Variants in GLP2R observed in about 807,000 individuals in gnomAD.
The protein encoded by GLP2R is glucagon-like peptide 2 receptor.
In GLP2R, 59 loss-of-function variants were observed where a neutral mutation model predicts 68.2. The observed-to-expected ratio is 0.87, with a 90% CI of 0.70 to 1.07. GLP2R has a LOEUF of 1.07. Among genes scored for constraint, GLP2R ranks in the 50% least tolerant of loss-of-function variants. The pLI, the probability that GLP2R is intolerant of heterozygous loss-of-function variation, is 0.00. For synonymous variants in GLP2R, 270 were observed against 265.4 expected (o/e 1.02, Z -0.17); for missense variants, 548 against 677.4 (o/e 0.81, Z 2.12).
chr17:9,862,016 C>G lies in GLP2R; in HGVS notation c.987-5C>G, dbSNP rs1295976603. ...TCTACTGCCTGCTTCTACTGTTGAC[C>G]TTAGGTGCTGGACAACAAATGGGAA... is the stretch of plus-strand genomic sequence containing the variant. On this transcript the variant is annotated splice_polypyrimidine_tract_variant and splice_region_variant and intron_variant, in intron 8 of 12. Coordinates refer to ENST00000262441, the MANE Select transcript of GLP2R (RefSeq NM_004246.3). 1.9e-6 allele frequency: 3 copies of G among 1,608,820 alleles called. No homozygotes were observed.
chr17:9,832,449 C>T (rs2066689331), intron 1 of GLP2R, among the ~76,000 whole-genome samples: 1 of 152,134 alleles, frequency 6.6e-6, no homozygotes. Flanking sequence ...TGTAATTTCA[C>T]CTACTCAGGA....
rs1777429149 is a variant in GLP2R, at chr17:9,889,483, G to A, written c.1440G>A (p.Lys480=). 1 of 1,614,092 alleles carries A rather than the reference G, an allele frequency of 6.2e-7. No individual in the cohort carries two copies. The highest frequency in any genetic ancestry group is 1.3e-5 in the African/African-American group (1 of 74,954). Residue 480 remains lysine, a synonymous_variant, in exon 13 of 13, where the codon AAG becomes AAA. Coordinates refer to ENST00000262441, the MANE Select transcript of GLP2R (RefSeq NM_004246.3). Reference sequence around the variant, plus strand: ...GGTTCCTAGGAAAATGTCCCAAGAAGCTCTCGGAAGGAGATGGCGCTGAGA... The same window carrying A: ...GGTTCCTAGGAAAATGTCCCAAGAAACTCTCGGAAGGAGATGGCGCTGAGA... The part of the protein sequence containing the change: ...DFRFLGKCPK[K]LSEGDGAEKL...
chr17:9,843,918 GTCTTGTGA>G (rs59930946), intron 4 of GLP2R, among the ~76,000 whole-genome samples: 122,156 of 151,398 alleles, frequency 0.81, 49,741 homozygotes, highest in African/African-American at 0.92. Flanking sequence ...GGAGCTCAGA[GTCTTGTGA>G]TCTTGTGAGG....
Position 9,870,791 on chromosome 17 carries a change from T to C in GLP2R, c.1101T>C (p.Ser367=), listed in dbSNP as rs2067085351. ...TGAAAATTCTCAAGCTTCTCATTTC[T>C]AAGCTCAAAGCTCATCAAATGTGCT... The part of the protein sequence containing the change: ...IFLKILKLLI[S]KLKAHQMCFR... Residue 367 remains serine, a synonymous_variant, in exon 10 of 13, where the codon TCT becomes TCC. Coordinates refer to ENST00000262441, the MANE Select transcript of GLP2R (RefSeq NM_004246.3). The C allele has an allele frequency of 2.5e-6, 4 of 1,589,312 alleles. No individual in the cohort carries two copies. Among genetic ancestry groups the C allele is most frequent in the Non-Finnish European group, 3.5e-6 (4 of 1,157,192 alleles).
intron 5 of GLP2R, 65 bp from the exon 6 acceptor site, chr17:9,857,358 G>T (rs1288883625): frequency 2.8e-6 from 4 of 1,445,658 alleles, no homozygotes; most frequent in African/African-American, 2.8e-5. Context: ...GGCATAAAAG[G>T]CAGAGGCCTG....
At position 9,870,797 on chromosome 17, in the gene GLP2R, C is replaced by G; in HGVS notation, c.1107C>G (p.Leu369=). The G allele has an allele frequency of 6.3e-7, 1 of 1,579,072 alleles. No homozygotes were observed. Among genetic ancestry groups the G allele is most frequent in the Admixed American group, 1.7e-5 (1 of 59,954 alleles). Residue 369 remains leucine (L), a synonymous_variant, in exon 10 of 13, where the codon CTC becomes CTG. Coordinates refer to ENST00000262441, the MANE Select transcript of GLP2R (RefSeq NM_004246.3). ...LKILKLLISK[L]KAHQMCFRDY... is the part of the protein sequence containing the mutation. ...TTCTCAAGCTTCTCATTTCTAAGCT[C>G]AAAGCTCATCAAATGTGCTTCAGAG...
At chr17:9,840,462 A>G (rs1408188057) in intron 3 of GLP2R, among the ~76,000 whole-genome samples, 1 of 152,168 alleles carries the variant, frequency 6.6e-6, no homozygotes, top group Non-Finnish European at 1.5e-5. Context: ...CACTCATTCA[A>G]CTAATATTTA....
intron 4 of GLP2R, chr17:9,852,946 GA>G (rs1295265722): frequency 2.0e-6 from 1 of 490,488 alleles, no homozygotes. Context: ...TTCATCTTCT[GA>G]CTCTGCATCT....
chr17:9,840,746 TTGG>T, intron 3 of GLP2R, among the ~76,000 whole-genome samples: 1 of 152,210 alleles, frequency 6.6e-6, no homozygotes, highest in Non-Finnish European at 1.5e-5. Flanking sequence ...AGGTGACATT[TTGG>T]TGAAGATGTA....
At chr17:9,854,693 C>A (rs1400193113) in intron 5 of GLP2R, 92 bp downstream of exon 5, 1 of 794,856 alleles carries the variant, frequency 1.3e-6, no homozygotes, top group Non-Finnish European at 2.2e-6. Context: ...CAGTAGATGC[C>A]TGAAACCAGG....
intron 11 of GLP2R, among the ~76,000 whole-genome samples, chr17:9,882,559 G>A (rs2067206548): frequency 1.3e-5 from 2 of 149,716 alleles, no homozygotes; most frequent in South Asian, 4.4e-4. Context: ...GGAAACATGA[G>A]GGGGTCTGGT....
chr17:9,877,763 G>A (rs1029668190), intron 10 of GLP2R, among the ~76,000 whole-genome samples: 2 of 151,532 alleles, frequency 1.3e-5, no homozygotes, highest in African/African-American at 2.4e-5. Flanking sequence ...TGTATTCCCA[G>A]GTACTCGGGA....
intron 10 of GLP2R, among the ~76,000 whole-genome samples, chr17:9,877,866 G>C (rs956752367): frequency 8.9e-6 from 1 of 111,792 alleles, no homozygotes; most frequent in Non-Finnish European, 1.7e-5. Context: ...GACAGAACGA[G>C]ACTCCGTCTC....
intron 9 of GLP2R, among the ~76,000 whole-genome samples, chr17:9,869,670 A>G (rs528795712): frequency 6.6e-6 from 1 of 152,256 alleles, no homozygotes; most frequent in African/African-American, 2.4e-5. Flanking sequence ...GGATCTCCCA[A>G]CAGGCTGCTT....
chr17:9,865,854 G>A (rs1027654563), intron 9 of GLP2R: 8 of 471,064 alleles, frequency 1.7e-5, no homozygotes, highest in African/African-American at 8.0e-5. Flanking sequence ...TAGAGGAAAC[G>A]GGCTTGAAGA....
chr17:9,886,772 A>G (rs1433573407), intron 11 of GLP2R, among the ~76,000 whole-genome samples: 1 of 152,238 alleles, frequency 6.6e-6, no homozygotes, highest in Non-Finnish European at 1.5e-5. Flanking sequence ...CATAAGGAAG[A>G]GCAGAAAAGC....
At chr17:9,886,501 T>C (rs558630392) in intron 11 of GLP2R, among the ~76,000 whole-genome samples, 1 of 152,358 alleles carries the variant, frequency 6.6e-6, no homozygotes, top group South Asian at 2.1e-4. Flanking sequence ...TCTTCTGATA[T>C]CATGTGCCCA....
chr17:9,887,772 T>G (rs2067256402), intron 11 of GLP2R, among the ~76,000 whole-genome samples, 160 bp from the exon 12 acceptor site: 1 of 152,224 alleles, frequency 6.6e-6, no homozygotes, highest in Middle Eastern at 3.2e-3. Context: ...TCCAAGTTAA[T>G]GTAACCAGTA....
At chr17:9,861,953 G>A in intron 8 of GLP2R, 68 bp from the exon 9 acceptor site, 1 of 1,054,454 alleles carries the variant, frequency 9.5e-7, no homozygotes, top group African/African-American at 1.6e-5. Flanking sequence ...CAGAGAGCAT[G>A]AGGCTTTGAC....
Sources: gnomAD v4.1 joint callset for allele counts (sites outside exome capture counted in the v4.1 genomes callset) on GRCh38, gnomAD v4.1.1 for gene constraint, MANE v1.5 for transcripts, NCBI Gene and HGNC (gene_info 2026-07-23, HGNC 2026-07-21) for gene names.